Variants in TNC observed in about 807,000 individuals in gnomAD.
The protein encoded by TNC is tenascin C, also known as tenascin.
TNC carries 109 observed loss-of-function variants against 202.4 expected under a neutral mutation model. The observed-to-expected ratio is 0.54, with a 90% CI of 0.46 to 0.63. The LOEUF (loss-of-function observed/expected upper bound fraction) is 0.63. Among genes scored for constraint, TNC ranks in the 30% least tolerant of loss-of-function variants. The pLI is 0.00. For missense variants in TNC, 2,756 were observed against 2,833.3 expected (o/e 0.97, Z 0.62); for synonymous variants, 1,007 against 1,089.7 (o/e 0.92, Z 1.50).
At chr9:115,097,049 CAG>C (rs1310460462) in intron 1 of TNC, among the ~76,000 whole-genome samples, 1 of 152,186 alleles carries the variant, frequency 6.6e-6, no homozygotes, top group Non-Finnish European at 1.5e-5. Context: ...TGCTGTGCTC[CAG>C]AGTTTTGAGG....
chr9:115,106,378 T>G (rs772756755), intron 1 of TNC, among the ~76,000 whole-genome samples: 3 of 152,204 alleles, frequency 2.0e-5, no homozygotes, highest in Non-Finnish European at 4.4e-5. Flanking sequence ...TGAAGTAAGA[T>G]TCATTGTTCA....
rs1564122301 is a variant in TNC, at chr9:115,086,797, C to T, written c.934G>A (p.Glu312Lys). Residue 312 changes from glutamate (E) to lysine (K), a missense_variant, in exon 3 of 28, where the codon GAG becomes AAG. Transcript: ENST00000350763. ...DEGFTGEDCS[E>K]LICPNDCFDR... Reference sequence around the variant, plus strand: ...AAGCAGTCATTGGGGCAGATGAGCTCACTGCAGTCTTCGCCCGTGAAACCC... The same window carrying T: ...AAGCAGTCATTGGGGCAGATGAGCTTACTGCAGTCTTCGCCCGTGAAACCC... The T allele has an allele frequency of 6.2e-7, 1 of 1,614,024 alleles. No individual in the cohort carries two copies.
chr9:115,101,213 C>A (rs1238748194), intron 1 of TNC, among the ~76,000 whole-genome samples: 1 of 152,078 alleles, frequency 6.6e-6, no homozygotes, highest in Non-Finnish European at 1.5e-5. Context: ...TCACAAAATA[C>A]AATTTATTTA....
chr9:115,101,762 C>A (rs1398918675), intron 1 of TNC, among the ~76,000 whole-genome samples: 1 of 152,158 alleles, frequency 6.6e-6, no homozygotes, highest in African/African-American at 2.4e-5. Context: ...CATACACAAG[C>A]AAGGTCTGGT....
chr9:115,097,931 C>T (rs1835919250), intron 1 of TNC, among the ~76,000 whole-genome samples: 1 of 152,150 alleles, frequency 6.6e-6, no homozygotes, highest in Admixed American at 6.5e-5. Flanking sequence ...CAATATGGCA[C>T]CTCTGTAAGG....
At chr9:115,111,638 T>G (rs1837076030) in intron 1 of TNC, among the ~76,000 whole-genome samples, 1 of 152,008 alleles carries the variant, frequency 6.6e-6, no homozygotes, top group Non-Finnish European at 1.5e-5. Flanking sequence ...CTCGAACTCC[T>G]AACCTCAAGT....
intron 9 of TNC, among the ~76,000 whole-genome samples, chr9:115,074,686 TGTGGCTGCAAAGG>T (rs1179953375): frequency 1.3e-5 from 2 of 152,194 alleles, no homozygotes; most frequent in African/African-American, 4.8e-5. Context: ...GGGAGGTGGC[TGTGGCTGCAAAGG>T]GTAGCATGTG....
At chr9:115,101,304 C>T (rs1836217327) in intron 1 of TNC, among the ~76,000 whole-genome samples, 1 of 152,176 alleles carries the variant, frequency 6.6e-6, no homozygotes, top group African/African-American at 2.4e-5. Context: ...TTCTACCTTC[C>T]AGGTTCAAGC....
chr9:115,116,230 T>A (rs1209447112), intron 1 of TNC, among the ~76,000 whole-genome samples: 1 of 152,096 alleles, frequency 6.6e-6, no homozygotes, highest in East Asian at 1.9e-4. Flanking sequence ...AAACAAAGCA[T>A]AGAGGAAAAA....
chr9:115,041,374 C>T (rs368461072), intron 18 of TNC, among the ~76,000 whole-genome samples: 8 of 151,170 alleles, frequency 5.3e-5, no homozygotes, highest in East Asian at 2.0e-4. Flanking sequence ...AGAGCTGGCA[C>T]GTTGTGCAAA....
In TNC at chr9:115,029,217, A is replaced by C. The variant is rs1829763678; in HGVS notation, c.6169+143T>G. On this transcript the variant is annotated intron_variant, in intron 25 of 27. Coordinates refer to ENST00000350763, the MANE Select transcript of TNC (RefSeq NM_002160.4). ...CATTTAAATGATAGTCTTTTTCATTAAGAATTTGACATTCTGTGTCTGCCA... is the reference window on the plus strand; with the variant it reads ...CATTTAAATGATAGTCTTTTTCATTCAGAATTTGACATTCTGTGTCTGCCA... 7 of 678,494 alleles carry C rather than the reference A, an allele frequency of 1.0e-5. No homozygotes were observed. In the Admixed American group the frequency reaches 1.9e-4, roughly 19 times the overall value. 42.0% of individuals were successfully genotyped at this position (678,494 alleles called of 1,614,324 possible).
At chr9:115,098,418 A>T (rs1835956389) in intron 1 of TNC, among the ~76,000 whole-genome samples, 1 of 152,196 alleles carries the variant, frequency 6.6e-6, no homozygotes, top group Non-Finnish European at 1.5e-5. Context: ...AGCAGGGAAT[A>T]GGCTAACAGT....
chr9:115,059,223 A>T (rs990884512), intron 14 of TNC, among the ~76,000 whole-genome samples: 2 of 152,108 alleles, frequency 1.3e-5, no homozygotes, highest in Non-Finnish European at 2.9e-5. Flanking sequence ...CAGTTCTCTT[A>T]TTATACTGGG....
Position 115,090,861 on chromosome 9 carries a change from A to G in TNC, c.158T>C (p.Val53Ala). The change falls in exon 2 of 28, where the codon GTT becomes GCT. Residue 53 changes from valine to alanine, a missense_variant. Around this residue, in one of 2 missense-constraint regions of TNC, gnomAD observed 2,559 missense variants for 2,546.0 expected, o/e 1.01. Transcript: ENST00000350763. ...EENQPVVFNH[V>A]YNIKLPVGSQ... is the part of the protein sequence containing the mutation. Reference sequence around the variant, plus strand: ...TCCCACTGGCAGCTTGATGTTGTAAACGTGGTTAAACACCACTGGCTGGTT... The same window carrying G: ...TCCCACTGGCAGCTTGATGTTGTAAGCGTGGTTAAACACCACTGGCTGGTT... The G allele has an allele frequency of 6.2e-7, 1 of 1,614,118 alleles. No homozygotes were observed. Among genetic ancestry groups the G allele is most frequent in the Non-Finnish European group, 8.5e-7 (1 of 1,180,004 alleles).
intron 9 of TNC, 75 bp from the exon 10 acceptor site, chr9:115,073,941 C>T: frequency 1.3e-6 from 2 of 1,482,536 alleles, no homozygotes; most frequent in Non-Finnish European, 1.8e-6. Context: ...AAGTCAACTG[C>T]ATCTGGGCTG....
chr9:115,028,936 A>G (rs1829722788), intron 25 of TNC, among the ~76,000 whole-genome samples: 2 of 17,998 alleles, frequency 1.1e-4, no homozygotes, highest in Non-Finnish European at 2.6e-4. Context: ...AAAAAAAAAA[A>G]AAAAAAAAAA....
intron 12 of TNC, among the ~76,000 whole-genome samples, chr9:115,063,574 C>T (rs2132630683): frequency 6.6e-6 from 1 of 152,272 alleles, no homozygotes; most frequent in East Asian, 1.9e-4. Context: ...AGCCACCTCT[C>T]ACTTTTTTAA....
intron 14 of TNC, 83 bp downstream of exon 14, chr9:115,059,647 G>T: frequency 1.4e-6 from 2 of 1,397,674 alleles, no homozygotes; most frequent in Non-Finnish European, 1.9e-6. Context: ...TTCAGTTATG[G>T]CGAGATGCTG....
intron 4 of TNC, 128 bp from the exon 5 acceptor site, chr9:115,082,935 C>T: frequency 1.6e-6 from 1 of 628,456 alleles, no homozygotes; most frequent in Non-Finnish European, 2.8e-6. Context: ...AGCAGGTGTC[C>T]TTTTAAAGCT....
Sources: gnomAD v4.1 joint callset for allele counts (sites outside exome capture counted in the v4.1 genomes callset) on GRCh38, gnomAD v4.1.1 for gene constraint, gnomAD v4.1.1 regional missense constraint, MANE v1.5 for transcripts, NCBI Gene and HGNC (gene_info 2026-07-23, HGNC 2026-07-21) for gene names.